Variants in ABCC4 observed in about 807,000 individuals in gnomAD.
The protein encoded by ABCC4 is ATP binding cassette subfamily C member 4 (PEL blood group).
A neutral mutation model predicts 168.5 loss-of-function variants in ABCC4; 102 were observed. The observed-to-expected ratio is 0.61, with a 90% CI of 0.52 to 0.71. The LOEUF (loss-of-function observed/expected upper bound fraction) is 0.71. Ranked by LOEUF, ABCC4 falls within the 30% of genes least tolerant of loss-of-function variation. ABCC4 has a pLI of 0.00. For missense variants in ABCC4, 1,402 were observed against 1,605.8 expected (o/e 0.87, Z 2.17); for synonymous variants, 617 against 590.7 (o/e 1.04, Z -0.65).
rs73548806 is a variant in ABCC4, at chr13:95,263,157, C to A, written c.75-15404G>T. Among the ~76,000 whole-genome samples, 265 of 152,238 alleles carry A rather than the reference C, an allele frequency of 1.7e-3. 1 individual carries two copies. Among genetic ancestry groups the A allele is most frequent in the African/African-American group, 5.8e-3 (242 of 41,546 alleles). On this transcript the variant is annotated intron_variant, in intron 1 of 30. Transcript: ENST00000645237. ...GTGTGTTACAGAAGCTTCCTTCAGG[C>A]ATGAACTATAGTGCTGCTGGCTGTT... is the stretch of plus-strand genomic sequence containing the variant.
At chr13:95,044,610 G>A (rs1443956867) in intron 27 of ABCC4, among the ~76,000 whole-genome samples, 172 bp from the exon 28 acceptor site, 1 of 152,184 alleles carries the variant, frequency 6.6e-6, no homozygotes, top group East Asian at 1.9e-4. Flanking sequence ...AGATGGTAGA[G>A]TCAACACAAA....
intron 14 of ABCC4, 198 bp downstream of exon 14, chr13:95,170,334 C>A (rs2037424307): frequency 6.6e-6 from 3 of 452,162 alleles, no homozygotes; most frequent in Admixed American, 3.9e-5. Context: ...ATGTAGTAAC[C>A]TTGAGGTAGC....
chr13:95,188,682 T>C, intron 9 of ABCC4, 140 bp from the exon 10 acceptor site: 1 of 702,244 alleles, frequency 1.4e-6, no homozygotes, highest in Non-Finnish European at 2.3e-6. Flanking sequence ...AGATATTGTA[T>C]CCTAGAGTCC....
chr13:95,088,119 G>A (rs1415371767), intron 20 of ABCC4, among the ~76,000 whole-genome samples: 1 of 152,130 alleles, frequency 6.6e-6, no homozygotes, highest in East Asian at 1.9e-4. Flanking sequence ...AGAGTGAATG[G>A]TGTAAGGCAT....
intron 30 of ABCC4, among the ~76,000 whole-genome samples, chr13:95,024,530 C>T (rs2031290302): frequency 6.6e-6 from 1 of 152,154 alleles, no homozygotes; most frequent in East Asian, 1.9e-4. Flanking sequence ...ATACAAGCTC[C>T]CGCACGTGGA....
chr13:95,168,763 C>T (rs1479798622), intron 14 of ABCC4, among the ~76,000 whole-genome samples: 1 of 152,172 alleles, frequency 6.6e-6, no homozygotes, highest in Non-Finnish European at 1.5e-5. Flanking sequence ...CTGCATGAAA[C>T]CACCGCTGGG....
At chr13:95,081,466 G>A (rs1049887880) in intron 21 of ABCC4, among the ~76,000 whole-genome samples, 4 of 152,160 alleles carry the variant, frequency 2.6e-5, no homozygotes, top group African/African-American at 7.2e-5. Flanking sequence ...ACTGGCTAGG[G>A]CCAGTCATCT....
chr13:95,190,820 T>C (rs921882157), intron 9 of ABCC4, among the ~76,000 whole-genome samples: 1 of 152,238 alleles, frequency 6.6e-6, no homozygotes, highest in Non-Finnish European at 1.5e-5. Context: ...GACTTGACCA[T>C]GCATGTCTGG....
At position 95,186,896 on chromosome 13, in the gene ABCC4, A is replaced by C. The variant is rs1021850231; in HGVS notation, c.1354-4T>G. Reference sequence around the variant, plus strand: ...GCACGGCACTTAACAGTGATGACTGAAACAGATTGTAAAAAAGCACATGTT... The same window carrying C: ...GCACGGCACTTAACAGTGATGACTGCAACAGATTGTAAAAAAGCACATGTT... On this transcript the variant is annotated splice_polypyrimidine_tract_variant and splice_region_variant and intron_variant, in intron 10 of 30. Coordinates refer to ENST00000645237, the MANE Select transcript of ABCC4 (RefSeq NM_005845.5). 2 of 1,600,746 alleles carry C rather than the reference A, an allele frequency of 1.2e-6. No homozygotes were observed. Among genetic ancestry groups the C allele is most frequent in the African/African-American group, 2.7e-5 (2 of 74,460 alleles).
At chr13:95,246,141 C>T (rs1010540290) in intron 3 of ABCC4, among the ~76,000 whole-genome samples, 2 of 152,134 alleles carry the variant, frequency 1.3e-5, no homozygotes, top group African/African-American at 2.4e-5. Flanking sequence ...AGAGGCCCTT[C>T]GGGGTAACAG....
intron 19 of ABCC4, among the ~76,000 whole-genome samples, chr13:95,147,856 G>A (rs566512751): frequency 2.1e-4 from 32 of 152,010 alleles, no homozygotes; most frequent in African/African-American, 6.7e-4. Flanking sequence ...CCAGATGTTT[G>A]GTACTTACAT....
intron 1 of ABCC4, chr13:95,269,352 G>A (rs1594414387): frequency 2.2e-6 from 1 of 454,766 alleles, no homozygotes; most frequent in Non-Finnish European, 4.4e-6. Context: ...CTTGAACACA[G>A]GAGGTGGAGG....
chr13:95,236,840 C>G (rs982220666), intron 3 of ABCC4, among the ~76,000 whole-genome samples: 1 of 152,212 alleles, frequency 6.6e-6, no homozygotes, highest in Non-Finnish European at 1.5e-5. Context: ...TGGGTCATAA[C>G]ACGGACTGTT....
intron 24 of ABCC4, among the ~76,000 whole-genome samples, chr13:95,072,646 C>A (rs918350342): frequency 6.6e-6 from 1 of 152,134 alleles, no homozygotes. Context: ...ATATTTAAAA[C>A]ATTGATTAAA....
At chr13:95,204,877 G>GCCCT (rs2038735661) in intron 8 of ABCC4, among the ~76,000 whole-genome samples, 1 of 152,140 alleles carries the variant, frequency 6.6e-6, no homozygotes, top group Non-Finnish European at 1.5e-5. Flanking sequence ...GCTTCCAAGA[G>GCCCT]CCCTGGTCCA....
intron 30 of ABCC4, among the ~76,000 whole-genome samples, chr13:95,030,752 G>A (rs560121187): frequency 1.3e-5 from 2 of 152,176 alleles, no homozygotes; most frequent in South Asian, 2.1e-4. Flanking sequence ...ACTCCAGCAC[G>A]GAAGTGTGAG....
chr13:95,218,929 GAAAGAAAGAAAGAAAGAA>G (rs1340759039), intron 4 of ABCC4, among the ~76,000 whole-genome samples: 8 of 19,688 alleles, frequency 4.1e-4, no homozygotes, highest in East Asian at 1.8e-3. Context: ...GAAAGAAAGA[GAAAGAAAGAAAGAAAGAA>G]AGAAAGAAAG....
In ABCC4 at chr13:95,140,857, C is replaced by T. The variant is rs547934342; in HGVS notation, c.2455+20332G>A. The stretch of plus-strand genomic sequence containing the variant: ...TGTCTGCTATTGTAACCTACAGGAA[C>T]AAATATTCATCTCCTAAGAGCTATA... On this transcript the variant is annotated intron_variant, in intron 19 of 30. Transcript: ENST00000645237. 1.9e-4 allele frequency among the ~76,000 whole-genome samples: 29 copies of T among 152,338 alleles called. No individual in the cohort carries two copies. In the South Asian group the frequency reaches 6.0e-3, roughly 32 times the overall value.
At chr13:95,219,934 C>T (rs2039266333) in intron 4 of ABCC4, among the ~76,000 whole-genome samples, 1 of 150,512 alleles carries the variant, frequency 6.6e-6, no homozygotes, top group East Asian at 2.0e-4. Flanking sequence ...TGGCTCACTG[C>T]AACCTCCACC....
Sources: gnomAD v4.1 joint callset for allele counts (sites outside exome capture counted in the v4.1 genomes callset) on GRCh38, gnomAD v4.1.1 for gene constraint, MANE v1.5 for transcripts, NCBI Gene and HGNC (gene_info 2026-07-23, HGNC 2026-07-21) for gene names.